IL7: variants seen among roughly 807,000 people sequenced by gnomAD.
The protein encoded by IL7 is interleukin-7.
A neutral mutation model predicts 21.6 loss-of-function variants in IL7; 3 were observed. The ratio of observed to expected loss-of-function variants is 0.14; its 90% CI spans 0.06 to 0.36. IL7 has a LOEUF of 0.36. Ranked by LOEUF, IL7 falls within the 10% of genes least tolerant of loss-of-function variation. The pLI is 1.00. For missense variants in IL7, 175 were observed against 200.2 expected, an observed-to-expected ratio of 0.87 and a Z score of 0.76; for synonymous variants, 62 against 68.1, an observed-to-expected ratio of 0.91 and a Z score of 0.44.
intron 3 of IL7, among the ~76,000 whole-genome samples, chr8:78,698,889 A>G (rs1372177653): frequency 1.3e-5 from 2 of 152,202 alleles, no homozygotes; most frequent in South Asian, 4.1e-4. Flanking sequence ...CATAATCAAG[A>G]GAAAAGAAGA....
chr8:78,782,290 C>T (rs1214392336), intron 2 of IL7, among the ~76,000 whole-genome samples: 1 of 151,926 alleles, frequency 6.6e-6, no homozygotes, highest in Non-Finnish European at 1.5e-5. Flanking sequence ...AGAAGAGGTA[C>T]TCTGGCTTTT....
intron 3 of IL7, among the ~76,000 whole-genome samples, chr8:78,739,801 A>AC (rs1298445145): frequency 6.6e-6 from 1 of 152,196 alleles, no homozygotes; most frequent in Non-Finnish European, 1.5e-5. Context: ...TGAAACAAAA[A>AC]AAACTTGTTA....
chr8:78,767,993 T>C (rs1812813753), intron 2 of IL7, among the ~76,000 whole-genome samples: 1 of 152,100 alleles, frequency 6.6e-6, no homozygotes, highest in Non-Finnish European at 1.5e-5. Flanking sequence ...ATTGTTCAAT[T>C]CCCACCTATG....
At position 78,744,982 on chromosome 8, in the gene IL7, A is replaced by G. The variant is rs552175711; in HGVS notation, c.148-4900T>C. Among the ~76,000 whole-genome samples, 5 of 152,208 alleles carry G rather than the reference A, an allele frequency of 3.3e-5. No homozygotes were observed. The South Asian group carries it at 6.2e-4, about 19-fold the overall frequency. ...TGTTTTCTATGTTCTCCATGGGTCA[A>G]GTTGTTTCCTTGATTAGTCCCAGTG... is the stretch of plus-strand genomic sequence containing the variant. On this transcript the variant is annotated intron_variant, in intron 2 of 5. Transcript: ENST00000263851.
intron 2 of IL7, among the ~76,000 whole-genome samples, chr8:78,784,824 C>A (rs1813456660): frequency 6.6e-6 from 1 of 152,126 alleles, no homozygotes; most frequent in African/African-American, 2.4e-5. Context: ...ACAGTGTCTT[C>A]ACTTTTCTCT....
chr8:78,766,056 A>G (rs1240891183), intron 2 of IL7, among the ~76,000 whole-genome samples: 1 of 152,152 alleles, frequency 6.6e-6, no homozygotes, highest in Non-Finnish European at 1.5e-5. Context: ...CATATTATTA[A>G]GTGAAAGAAG....
At chr8:78,727,240 T>G (rs1208209522) in intron 3 of IL7, among the ~76,000 whole-genome samples, 1 of 152,048 alleles carries the variant, frequency 6.6e-6, no homozygotes, top group Non-Finnish European at 1.5e-5. Flanking sequence ...CAAATTCATG[T>G]GAGACTGTGG....
intron 3 of IL7, among the ~76,000 whole-genome samples, chr8:78,723,166 A>G (rs1156780148): frequency 2.0e-5 from 3 of 150,102 alleles, no homozygotes; most frequent in Non-Finnish European, 1.5e-5. Context: ...GTTTTTCCTC[A>G]AGTTAGTAAA....
At chr8:78,761,022 C>T in intron 2 of IL7, 1 of 1,612,306 alleles carries the variant, frequency 6.2e-7, no homozygotes, top group Non-Finnish European at 8.5e-7. Flanking sequence ...CTGCAGAGTA[C>T]AAATGCTCGG....
intron 2 of IL7, among the ~76,000 whole-genome samples, chr8:78,759,451 C>T (rs1812472576): frequency 6.6e-6 from 1 of 151,694 alleles, no homozygotes; most frequent in Non-Finnish European, 1.5e-5. Context: ...TTGTCAGTAT[C>T]CATGGCCTCT....
At chr8:78,743,397 A>G (rs1021994996) in intron 2 of IL7, among the ~76,000 whole-genome samples, 1 of 151,778 alleles carries the variant, frequency 6.6e-6, no homozygotes, top group African/African-American at 2.4e-5. Flanking sequence ...CCTTGCCAGC[A>G]TGTTATTTTT....
intron 2 of IL7, chr8:78,760,342 G>T (rs1479719760): frequency 1.9e-6 from 3 of 1,609,716 alleles, no homozygotes; most frequent in East Asian, 4.5e-5. Flanking sequence ...TTTTCATACC[G>T]CTCATTCTCA....
chr8:78,721,870 A>G (rs1003870222), intron 3 of IL7, among the ~76,000 whole-genome samples: 4 of 152,062 alleles, frequency 2.6e-5, no homozygotes, highest in Non-Finnish European at 4.4e-5. Context: ...ATATTTATGC[A>G]AAACATGATT....
chr8:78,798,311 A>G, intron 1 of IL7, 103 bp from the exon 2 acceptor site: 1 of 815,586 alleles, frequency 1.2e-6, no homozygotes, highest in Non-Finnish European at 1.9e-6. Flanking sequence ...AATTTTAAAA[A>G]TACATCTTGG....
intron 2 of IL7, among the ~76,000 whole-genome samples, chr8:78,794,103 T>C (rs906371633): frequency 1.3e-5 from 2 of 152,118 alleles, no homozygotes. Flanking sequence ...TCTATGACAG[T>C]TGGAATCAAC....
intron 2 of IL7, among the ~76,000 whole-genome samples, chr8:78,759,838 G>A (rs1178802944): frequency 6.6e-6 from 1 of 152,094 alleles, no homozygotes; most frequent in Non-Finnish European, 1.5e-5. Flanking sequence ...CCAACAAGTA[G>A]AGATCCACAG....
downstream of IL7, among the ~76,000 whole-genome samples, chr8:78,716,616 G>A (rs1047693573): frequency 6.6e-5 from 10 of 152,098 alleles, no homozygotes; most frequent in African/African-American, 2.2e-4. Context: ...CCTCATGGTT[G>A]GGTTCTCTTT....
chr8:78,744,188 G>A (rs1021639585), intron 2 of IL7, among the ~76,000 whole-genome samples: 1 of 152,078 alleles, frequency 6.6e-6, no homozygotes, highest in African/African-American at 2.4e-5. Context: ...GACAGGTTCA[G>A]TACCCAAATA....
At chr8:78,694,835 T>C (rs1210049654) in intron 3 of IL7, among the ~76,000 whole-genome samples, 3 of 152,202 alleles carry the variant, frequency 2.0e-5, no homozygotes, top group African/African-American at 7.2e-5. Flanking sequence ...CAAATAATAA[T>C]GAATGAAAGA....
Sources: allele counts gnomAD v4.1 joint callset (sites outside exome capture counted in the v4.1 genomes callset), GRCh38; gene constraint gnomAD v4.1.1; transcripts MANE v1.5; gene names NCBI Gene and HGNC (gene_info 2026-07-23, HGNC 2026-07-21).